Variants in PLAC1 observed in about 807,000 individuals in gnomAD.
The protein encoded by PLAC1 is placenta-specific protein 1.
For missense variants in PLAC1, 136 were observed against 163.2 expected (o/e 0.83, Z 0.91); for synonymous variants, 68 against 62.1 (o/e 1.09, Z -0.44).
At chrX:134,722,717 G>T (rs1163259791) in intron 2 of PLAC1, among the ~76,000 whole-genome samples, 2 of 112,026 alleles carry the variant, frequency 1.8e-5, no homozygotes, top group Non-Finnish European at 3.8e-5. Context: ...AGTTATTTTT[G>T]CAGGGAGATA....
intron 1 of PLAC1, among the ~76,000 whole-genome samples, chrX:134,753,632 G>A (rs1224250514): frequency 1.8e-5 from 2 of 110,436 alleles, no homozygotes; most frequent in Non-Finnish European, 3.8e-5. Flanking sequence ...TGAACTGGAT[G>A]TAACTGGAGA....
At chrX:134,761,195 AT>A (rs1432223597) in intron 1 of PLAC1, among the ~76,000 whole-genome samples, 2 of 111,744 alleles carry the variant, frequency 1.8e-5, no homozygotes, top group Non-Finnish European at 3.8e-5. Flanking sequence ...GAAAAAAAAA[AT>A]ATATAGATGG....
Position 134,566,705 on chromosome X carries a change from A to G in PLAC1, c.-23T>C, listed in dbSNP as rs1477798612. 8.8e-7 allele frequency: 1 copy of G among 1,139,606 alleles called. No homozygotes were observed. The highest frequency in any genetic ancestry group is 1.8e-5 in the African/African-American group (1 of 55,838). The allele number at this position is 1,139,606 out of a possible 1,213,427, so 93.9% of individuals were successfully genotyped here. On this transcript the variant is annotated 5_prime_UTR_variant, in exon 3 of 3. Transcript: ENST00000359237. ...CATCCCTGCAGCCAATCAGATAATG[A>G]ACCACAGGAAACAGGAAGCCGTCCA...
Position 134,678,307 on chromosome X carries a change from G to A in PLAC1, n.174+55128C>T, listed in dbSNP as rs1012305896. Among the ~76,000 whole-genome samples the A allele has an allele frequency of 3.6e-5, 4 of 111,592 alleles. No individual in the cohort carries two copies. The Admixed American group carries it at 3.8e-4, about 11-fold the overall frequency. On this transcript the variant is annotated intron_variant and non_coding_transcript_variant, in intron 2 of 2. Transcript: ENST00000466797. ...ATTTCCTGCCACTCTTCTGGTCACT[G>A]TCTGTGCAACACCCACTCTGGCCTC...
At chrX:134,628,708 T>A (rs1490897990) in intron 1 of PLAC1, among the ~76,000 whole-genome samples, 3 of 112,491 alleles carry the variant, frequency 2.7e-5, no homozygotes, top group Non-Finnish European at 5.6e-5. Flanking sequence ...CAATGTTTTC[T>A]ATATTCCATT....
chrX:134,612,891 CCATTTGTACTTGAGGGTATA>C (rs1344741599), intron 1 of PLAC1, among the ~76,000 whole-genome samples: 1 of 110,739 alleles, frequency 9.0e-6, no homozygotes, highest in Non-Finnish European at 1.9e-5. Flanking sequence ...TCCTATTATC[CCATTTGTACTTGAGGGTATA>C]TGGGGATTGG....
chrX:134,642,934 A>C (rs1246591924), intron 1 of PLAC1, among the ~76,000 whole-genome samples: 1 of 109,504 alleles, frequency 9.1e-6, no homozygotes, highest in African/African-American at 3.3e-5. Flanking sequence ...AGGAAGAAGG[A>C]TAGGGAGAGG....
At chrX:134,689,859 T>C (rs1223249025) in intron 2 of PLAC1, among the ~76,000 whole-genome samples, 9 of 112,741 alleles carry the variant, frequency 8.0e-5, no homozygotes, top group African/African-American at 2.9e-4. Context: ...TTTATTGTGG[T>C]AAAATATACA....
chrX:134,734,155 A>G (rs998135396), intron 1 of PLAC1, among the ~76,000 whole-genome samples: 1 of 112,694 alleles, frequency 8.9e-6, no homozygotes, highest in Non-Finnish European at 1.9e-5. Context: ...CACAACTCCC[A>G]TCTGCTGCTC....
chrX:134,725,621 T>C (rs901410817), intron 2 of PLAC1, among the ~76,000 whole-genome samples: 2 of 112,395 alleles, frequency 1.8e-5, no homozygotes, highest in African/African-American at 3.2e-5. Context: ...CTTACTATAC[T>C]ATCTAGGTCA....
At chrX:134,733,887 G>GA (rs200801695) in intron 1 of PLAC1, among the ~76,000 whole-genome samples, 2,780 of 109,440 alleles carry the variant, frequency 0.025, 108 homozygotes, top group African/African-American at 0.088. Context: ...CCTTCCCTTA[G>GA]AAAAAAAAAG....
chrX:134,723,448 A>G (rs1264611862), intron 2 of PLAC1, among the ~76,000 whole-genome samples: 6 of 109,213 alleles, frequency 5.5e-5, no homozygotes, highest in African/African-American at 2.0e-4. Flanking sequence ...CTGGGACAGT[A>G]GGCACGCACC....
intron 1 of PLAC1, among the ~76,000 whole-genome samples, chrX:134,757,807 G>T (rs942145916): frequency 4.5e-5 from 5 of 111,012 alleles, no homozygotes; most frequent in African/African-American, 1.6e-4. Flanking sequence ...TATGTTCTAT[G>T]TAGTGTTATA....
chrX:134,649,648 CA>C (rs1460209726), intron 1 of PLAC1, among the ~76,000 whole-genome samples: 3 of 112,133 alleles, frequency 2.7e-5, no homozygotes, highest in African/African-American at 9.7e-5. Flanking sequence ...GAAATACATC[CA>C]AATGGCCAAC....
intron 1 of PLAC1, among the ~76,000 whole-genome samples, chrX:134,761,305 G>C (rs2078769403): frequency 8.9e-6 from 1 of 112,054 alleles, no homozygotes; most frequent in African/African-American, 3.2e-5. Flanking sequence ...GGGGATGAAA[G>C]TGGGAGGCAG....
intron 2 of PLAC1, among the ~76,000 whole-genome samples, chrX:134,732,571 A>G (rs2078691918): frequency 9.0e-6 from 1 of 111,715 alleles, no homozygotes; most frequent in Non-Finnish European, 1.9e-5. Flanking sequence ...CCCAATCTTT[A>G]TGAAGCCCAG....
chrX:134,572,174 GA>G (rs1404820767), intron 2 of PLAC1, among the ~76,000 whole-genome samples: 3 of 111,014 alleles, frequency 2.7e-5, no homozygotes, highest in African/African-American at 9.8e-5. Flanking sequence ...GACAAGAACG[GA>G]AAAAAAGGAA....
At chrX:134,665,190 T>C (rs2078432574) in intron 2 of PLAC1, among the ~76,000 whole-genome samples, 1 of 110,842 alleles carries the variant, frequency 9.0e-6, no homozygotes, top group Non-Finnish European at 1.9e-5. Flanking sequence ...ATAGAGAACA[T>C]TTCCAGCTTC....
At chrX:134,751,525 G>A (rs911580274) in intron 1 of PLAC1, among the ~76,000 whole-genome samples, 9 of 111,450 alleles carry the variant, frequency 8.1e-5, no homozygotes, top group Non-Finnish European at 1.5e-4. Context: ...CGACCTTCTC[G>A]ACAGAAATAA....
Sources: gnomAD v4.1 joint callset for allele counts (sites outside exome capture counted in the v4.1 genomes callset) on GRCh38, gnomAD v4.1.1 for gene constraint, MANE v1.5 for transcripts, NCBI Gene and HGNC (gene_info 2026-07-23, HGNC 2026-07-21) for gene names.